Variants in PTCH1 observed in about 807,000 individuals in gnomAD.
PTCH1 encodes protein patched homolog 1.
Under a neutral mutation model 144.6 loss-of-function variants are expected in PTCH1, and 14 were observed. That is an observed-to-expected ratio of 0.10 (90% confidence interval 0.06 to 0.15). The LOEUF is 0.15. PTCH1 is among the 10% of genes least tolerant of loss of function. The pLI, the probability that PTCH1 is intolerant of heterozygous loss-of-function variation, is 1.00. For missense variants in PTCH1, 1,623 were observed against 1,948.3 expected (o/e 0.83, Z 3.14); for synonymous variants, 833 against 793.6 (o/e 1.05, Z -0.83).
chr9:95,502,479 T>C (rs1444502953), intron 2 of PTCH1, among the ~76,000 whole-genome samples: 3 of 152,226 alleles, frequency 2.0e-5, no homozygotes. Flanking sequence ...CTTGCTGCCA[T>C]GGTCATGTGT....
rs1554709496 is a variant in PTCH1 at position 95,508,241 on chromosome 9, G to A, written c.121C>T (p.Arg41Cys). ...GRRRRTGGLR[R>C]AAAPDRDYLH... ...TAGTCCCGGTCCGGCGCGGCAGCAC[G>A]GCGCAGCCCCCCCGTCCGTCTGCGC... The change falls in exon 1 of 24, where the codon CGT becomes TGT. Residue 41 changes from arginine (R) to cysteine (C), a missense_variant. Physicochemically the swap from Arg to Cys is radical, Grantham distance 180. Coordinates refer to ENST00000331920, the MANE Select transcript of PTCH1 (RefSeq NM_000264.5). The A allele has an allele frequency of 6.2e-7, 1 of 1,607,648 alleles. No individual in the cohort carries two copies. Among genetic ancestry groups the A allele is most frequent in the Non-Finnish European group, 8.5e-7 (1 of 1,178,564 alleles).
At position 95,499,108 on chromosome 9, in the gene PTCH1, C is replaced by T. The variant is rs141110373; in HGVS notation, c.394+7299G>A. On this transcript the variant is annotated intron_variant, in intron 2 of 23. Transcript: ENST00000331920. ...CACTGTCCATGCGCCACGGTAAGCA[C>T]AGGGGACCAAGACTTATTTCCCACT... Among the ~76,000 whole-genome samples, 1,405 of 152,248 alleles carry T rather than the reference C, an allele frequency of 9.2e-3. 12 individuals are homozygous for T. The highest frequency in any genetic ancestry group is 0.015 in the Non-Finnish European group (1,008 of 68,028).
chr9:95,453,332 T>C (rs1441279949), intron 20 of PTCH1, 146 bp downstream of exon 20: 9 of 1,215,352 alleles, frequency 7.4e-6, no homozygotes, highest in African/African-American at 3.0e-5. Flanking sequence ...AGTTTCACCA[T>C]CTTGGCCAGG....
Position 95,449,214 on chromosome 9 carries a change from G to A in PTCH1, c.3659C>T (p.Ser1220Phe), listed in dbSNP as rs1375226181. The stretch of plus-strand genomic sequence containing the variant: ...CTGGGAACTATACTCCGAGTCGGAG[G>A]AATCAGACCCGCTGTGCGTGTGGCC... Reference protein sequence around the residue: ...PPGHTHSGSDSSDSEYSSQTT... With the variant: ...PPGHTHSGSDFSDSEYSSQTT... The change falls in exon 22 of 24, where the codon TCC becomes TTC. Residue 1220 changes from serine (S) to phenylalanine (F), a missense_variant. By Grantham distance (155) the Ser-to-Phe change is radical. Around this residue, in one of 7 missense-constraint regions of PTCH1, gnomAD observed 504 missense variants for 679.3 expected, o/e 0.74. Transcript: ENST00000331920. The surrounding 1 kb of genome is among the most constrained non-coding windows in gnomAD (Gnocchi z 5.3). The A allele has an allele frequency of 1.2e-6, 2 of 1,601,914 alleles. No individual in the cohort carries two copies. Among genetic ancestry groups the A allele is most frequent in the Non-Finnish European group, 8.5e-7 (1 of 1,174,262 alleles).
rs751024812 is a variant in PTCH1 at position 95,485,818 on chromosome 9, C to T, written c.451G>A (p.Ala151Thr). 1 of 1,614,066 alleles carries T rather than the reference C, an allele frequency of 6.2e-7. No homozygotes were observed. The highest frequency in any genetic ancestry group is 8.5e-7 in the Non-Finnish European group (1 of 1,180,030). Residue 151 changes from alanine to threonine, a missense_variant, in exon 3 of 24, where the codon GCT becomes ACT. Transcript: ENST00000331920. ...NYTRQKIGEE[A>T]MFNPQLMIQT... ...ATCATGAGTTGAGGATTAAACATAGCCTCTTCTCCAATCTTCTGGCGAGTA... is the reference window on the plus strand; with the variant it reads ...ATCATGAGTTGAGGATTAAACATAGTCTCTTCTCCAATCTTCTGGCGAGTA...
intron 12 of PTCH1, among the ~76,000 whole-genome samples, chr9:95,473,237 A>G (rs1840732869): frequency 6.6e-6 from 1 of 152,322 alleles, no homozygotes; most frequent in South Asian, 2.1e-4. Flanking sequence ...AAAATATCTA[A>G]TTATTTGGTC....
rs1839210640 is a variant in PTCH1, at chr9:95,458,967, G to T, written c.2887+633C>A. ...GGAAGCACTACTCGCTGAGTCTCCA[G>T]CCATGTTTGCAAGGGGACCCGTCTT... is the stretch of plus-strand genomic sequence containing the variant. On this transcript the variant is annotated intron_variant, in intron 17 of 23. Coordinates refer to ENST00000331920, the MANE Select transcript of PTCH1 (RefSeq NM_000264.5). This position sits in a 1 kb window ranked among gnomAD's most constrained non-coding sequence, Gnocchi z 4.7. 6.6e-6 allele frequency among the ~76,000 whole-genome samples: 1 copy of T among 152,212 alleles called. No individual in the cohort carries two copies. Among genetic ancestry groups the T allele is most frequent in the Non-Finnish European group, 1.5e-5 (1 of 68,036 alleles).
chr9:95,513,304 T>C (rs1844235741), upstream of PTCH1, among the ~76,000 whole-genome samples: 1 of 152,220 alleles, frequency 6.6e-6, no homozygotes. Flanking sequence ...AGAGTATAAA[T>C]GAATAAAGGG....
In PTCH1 at chr9:95,449,144, G is replaced by A. The variant is rs752919936; in HGVS notation, c.3729C>T (p.Ala1243=). ...GGGCAGGGCCTCCCGCGCCCTGCTG[G>A]GCCTCGTAGTGCCGAAGCTCCTCGC... ...GLSEELRHYE[A]QQGAGGPAHQ... is the part of the protein sequence containing the mutation. The change falls in exon 22 of 24, where the codon GCC becomes GCT. Residue 1243 remains alanine (A), a synonymous_variant. Coordinates refer to ENST00000331920, the MANE Select transcript of PTCH1 (RefSeq NM_000264.5). This position sits in a 1 kb window ranked among gnomAD's most constrained non-coding sequence, Gnocchi z 5.3. 1 of 1,614,064 alleles carries A rather than the reference G, an allele frequency of 6.2e-7. No individual in the cohort carries two copies. The highest frequency in any genetic ancestry group is 2.2e-5 in the East Asian group (1 of 44,876).
intron 2 of PTCH1, among the ~76,000 whole-genome samples, chr9:95,502,970 A>C (rs1210505797): frequency 6.6e-6 from 1 of 152,142 alleles, no homozygotes; most frequent in African/African-American, 2.4e-5. Flanking sequence ...AGAATAAGAC[A>C]ATGTGCATAC....
chr9:95,492,203 G>A (rs1271889112), intron 2 of PTCH1, among the ~76,000 whole-genome samples: 1 of 152,182 alleles, frequency 6.6e-6, no homozygotes, highest in African/African-American at 2.4e-5. Flanking sequence ...ATTGCAGGTG[G>A]AGACCGGAAG....
rs1841090912 is a variant in PTCH1, at chr9:95,476,946, C to A, written c.1504-89G>T. 6.6e-6 allele frequency: 8 copies of A among 1,207,842 alleles called. No individual in the cohort carries two copies. The highest frequency in any genetic ancestry group is 1.9e-4 in the Middle Eastern group (1 of 5,358). The allele number at this position is 1,207,842 out of a possible 1,614,324, so 74.8% of individuals were successfully genotyped here. ...CTAGTTAGGACTCTGCCACCAGCAC[C>A]TAACAGCTCCTGAAGCAGGGCTTCC... On this transcript the variant is annotated intron_variant, in intron 10 of 23. Transcript: ENST00000331920. This position sits in a 1 kb window ranked among gnomAD's most constrained non-coding sequence, Gnocchi z 4.6.
intron 2 of PTCH1, among the ~76,000 whole-genome samples, chr9:95,502,218 G>A (rs1037954784): frequency 3.3e-5 from 5 of 152,074 alleles, no homozygotes; most frequent in African/African-American, 1.2e-4. Flanking sequence ...CTCCACCCTT[G>A]AGGCCATCCT....
At chr9:95,494,100 T>C (rs1480728730) in intron 2 of PTCH1, among the ~76,000 whole-genome samples, 1 of 151,854 alleles carries the variant, frequency 6.6e-6, no homozygotes, top group Non-Finnish European at 1.5e-5. Flanking sequence ...GCACGGGGCA[T>C]GTGGCAGGCT....
chr9:95,484,166 T>C (rs984229957), intron 3 of PTCH1: 1 of 152,248 alleles, frequency 6.6e-6, no homozygotes, highest in South Asian at 2.1e-4. Flanking sequence ...AAGAATGCAT[T>C]GGCCATGCTT....
At chr9:95,507,346 C>G in intron 1 of PTCH1, 1 of 985,516 alleles carries the variant, frequency 1.0e-6, no homozygotes, top group Non-Finnish European at 1.2e-6. Flanking sequence ...CCGGCGCAGG[C>G]TGCTCCCCGG....
rs2118044176 is a variant in PTCH1, at chr9:95,468,970, G to A, written c.2031C>T (p.Thr677=). ...EYDPHTHVYY[T]TAEPRSEISV... ...AGATCTCGGAGCGCGGCTCAGCGGT[G>A]GTGTAGTACACGTGCGTGTGGGGGT... The change falls in exon 14 of 24, where the codon ACC becomes ACT. Residue 677 remains threonine, a synonymous_variant. Transcript: ENST00000331920. The A allele has an allele frequency of 1.2e-6, 2 of 1,614,140 alleles. No individual in the cohort carries two copies. Among genetic ancestry groups the A allele is most frequent in the East Asian group, 4.5e-5 (2 of 44,872 alleles).
intron 2 of PTCH1, among the ~76,000 whole-genome samples, chr9:95,498,879 G>A (rs983498282): frequency 2.0e-5 from 3 of 152,178 alleles, no homozygotes; most frequent in Non-Finnish European, 2.9e-5. Context: ...AAGACCTCTC[G>A]TGAGGATGGA....
At chr9:95,486,579 C>T (rs1841979269) in intron 2 of PTCH1, among the ~76,000 whole-genome samples, 1 of 152,256 alleles carries the variant, frequency 6.6e-6, no homozygotes, top group East Asian at 1.9e-4. Flanking sequence ...CGGAAGCACC[C>T]CAGGTGACCC....
Sources: gnomAD v4.1 joint callset for allele counts (sites outside exome capture counted in the v4.1 genomes callset) on GRCh38, gnomAD v4.1.1 for gene constraint, gnomAD v4.1.1 regional missense constraint, Gnocchi (gnomAD v3.1) non-coding constraint, MANE v1.5 for transcripts, NCBI Gene and HGNC (gene_info 2026-07-23, HGNC 2026-07-21) for gene names.